Variants in PLEKHM1 observed in about 807,000 individuals in gnomAD.
PLEKHM1 encodes the protein pleckstrin homology and RUN domain containing M1.
A neutral mutation model predicts 94.3 loss-of-function variants in PLEKHM1; 28 were observed. The observed-to-expected ratio is 0.30, with a 90% CI of 0.22 to 0.41. The LOEUF (loss-of-function observed/expected upper bound fraction) is 0.41. Among genes scored for constraint, PLEKHM1 ranks in the 10% least tolerant of loss-of-function variants. PLEKHM1 has a pLI of 1.00. For synonymous variants in PLEKHM1, 424 were observed against 581.2 expected, an observed-to-expected ratio of 0.73 and a Z score of 3.89; for missense variants, 907 against 1,358.6, an observed-to-expected ratio of 0.67 and a Z score of 5.22.
chr17:45,439,072 A>T (rs1325849505), intron 11 of PLEKHM1, among the ~76,000 whole-genome samples: 1 of 152,254 alleles, frequency 6.6e-6, no homozygotes, highest in Non-Finnish European at 1.5e-5. Flanking sequence ...ACACAGTGGC[A>T]GTGGCAGGTA....
chr17:45,471,412 G>C (rs7224890), intron 4 of PLEKHM1, among the ~76,000 whole-genome samples: 69,874 of 145,460 alleles, frequency 0.48, 17,613 homozygotes, highest in South Asian at 0.6. Flanking sequence ...GTTAAACATA[G>C]AGTTACATAT....
In PLEKHM1 at chr17:45,458,451, G is replaced by C; in HGVS notation, c.1309-12C>G. ...CAGCTCTTGTTTTTCTGTTGGGAAA[G>C]AAGACAACAGTTGTTTGTTTTAAAG... On this transcript the variant is annotated splice_polypyrimidine_tract_variant and intron_variant, in intron 5 of 11. Transcript: ENST00000430334. 5 of 1,604,858 alleles carry C rather than the reference G, an allele frequency of 3.1e-6. No homozygotes were observed. Among genetic ancestry groups the C allele is most frequent in the Non-Finnish European group, 4.3e-6 (5 of 1,171,750 alleles).
At position 45,468,490 on chromosome 17, in the gene PLEKHM1, C is replaced by T. The variant is rs1158787262; in HGVS notation, c.1027G>A (p.Gly343Ser). Residue 343 changes from glycine to serine, a missense_variant, in exon 5 of 12, where the codon GGC becomes AGC. Transcript: ENST00000430334. The stretch of plus-strand genomic sequence containing the variant: ...TGCAGGTATGTGCTGGTGTTGAGGC[C>T]ATGGAGGGAGAGCGAGGCCTGTGGT... Reference protein sequence around the residue: ...PTPQASLSLHGLNTSTYLHCE... With the variant: ...PTPQASLSLHSLNTSTYLHCE... 1 of 1,614,188 alleles carries T rather than the reference C, an allele frequency of 6.2e-7. No individual in the cohort carries two copies. The highest frequency in any genetic ancestry group is 1.7e-5 in the Admixed American group (1 of 60,022).
At chr17:45,449,901 C>G (rs1307762269) in intron 8 of PLEKHM1, among the ~76,000 whole-genome samples, 1 of 151,054 alleles carries the variant, frequency 6.6e-6, no homozygotes, top group Non-Finnish European at 1.5e-5. Context: ...CACCTAGCCA[C>G]CTGTTCATCC....
chr17:45,476,421 A>G (rs1271838982), intron 3 of PLEKHM1, among the ~76,000 whole-genome samples: 1 of 151,836 alleles, frequency 6.6e-6, no homozygotes, highest in African/African-American at 2.4e-5. Flanking sequence ...GAAATCAACA[A>G]CCCTGTAAGA....
chr17:45,486,295 G>A (rs1012859656), intron 1 of PLEKHM1, among the ~76,000 whole-genome samples: 22 of 147,836 alleles, frequency 1.5e-4, no homozygotes, highest in Non-Finnish European at 2.7e-4. Flanking sequence ...ATAATAAACT[G>A]AAGCTGGCTG....
At chr17:45,463,156 A>G (rs1425058326) in intron 5 of PLEKHM1, among the ~76,000 whole-genome samples, 3 of 152,042 alleles carry the variant, frequency 2.0e-5, no homozygotes, top group Admixed American at 6.6e-5. Context: ...GAAAAAGACT[A>G]CTAGGAAATG....
At chr17:45,468,616 C>G (rs768377651) in intron 4 of PLEKHM1, 23 bp from the exon 5 acceptor site, 1 of 1,614,002 alleles carries the variant, frequency 6.2e-7, no homozygotes, top group Non-Finnish European at 8.5e-7. Context: ...AACAAAGAAA[C>G]CTGTGTGACA....
Position 45,444,365 on chromosome 17 carries a change from A to G in PLEKHM1, c.2837+1105T>C, listed in dbSNP as rs1038695167. On this transcript the variant is annotated intron_variant, in intron 9 of 11. Coordinates refer to ENST00000430334, the MANE Select transcript of PLEKHM1 (RefSeq NM_014798.3). This position sits in a 1 kb window ranked among gnomAD's most constrained non-coding sequence, Gnocchi z 5.0. ...GCAGCCTGGGCGTGACCTGAGGACT[A>G]GGAAGCGTTTATGACAGGCATGGAG... Among the ~76,000 whole-genome samples the G allele has an allele frequency of 6.6e-6, 1 of 152,194 alleles. No individual in the cohort carries two copies. Among genetic ancestry groups the G allele is most frequent in the African/African-American group, 2.4e-5 (1 of 41,436 alleles).
At chr17:45,465,111 G>A (rs1263800633) in intron 5 of PLEKHM1, among the ~76,000 whole-genome samples, 1 of 151,990 alleles carries the variant, frequency 6.6e-6, no homozygotes, top group East Asian at 1.9e-4. Context: ...GGGAGTTCAA[G>A]AACTATTCAT....
chr17:45,442,426 G>T (rs1240014647), intron 9 of PLEKHM1, among the ~76,000 whole-genome samples: 1 of 152,088 alleles, frequency 6.6e-6, no homozygotes, highest in Non-Finnish European at 1.5e-5. Flanking sequence ...GTGTTTTTGA[G>T]ACAGAGTCTC....
chr17:45,437,435 TACTTTCTGTTGAAATATGAATGGG>T lies in PLEKHM1; in HGVS notation c.*399_*422del. On this transcript the variant is annotated 3_prime_UTR_variant, in exon 12 of 12. Coordinates refer to ENST00000430334, the MANE Select transcript of PLEKHM1 (RefSeq NM_014798.3). The surrounding 1 kb of genome is among the most constrained non-coding windows in gnomAD (Gnocchi z 4.0). ...TCACGTAGGGTCAAGAATAAAAAAA[TACTTTCTGTTGAAATATGAATGGG>T]AAAAACCCACCTTAAAAAACTAGAC... The T allele has an allele frequency of 4.3e-6, 2 of 459,776 alleles. No homozygotes were observed. The highest frequency in any genetic ancestry group is 8.7e-6 in the Non-Finnish European group (2 of 230,720). 28.5% of individuals were successfully genotyped at this position (459,776 alleles called of 1,614,324 possible).
In PLEKHM1 at chr17:45,458,170, C is replaced by T; in HGVS notation, c.1578G>A (p.Met526Ile). The change falls in exon 6 of 12, where the codon ATG becomes ATA. Residue 526 changes from methionine (M) to isoleucine (I), a missense_variant and splice_region_variant. Physicochemically the swap from Met to Ile is conservative, Grantham distance 10 (BLOSUM62 1). This residue lies in a region of PLEKHM1 where 477 missense variants were observed against 601.5 expected (regional missense o/e 0.79). Transcript: ENST00000430334. Reference sequence around the variant, plus strand: ...CCCGGGACCCTCCTGGTAACCTACCCATCTGTCTCCGGTGTACCACCCGGA... The same window carrying T: ...CCCGGGACCCTCCTGGTAACCTACCTATCTGTCTCCGGTGTACCACCCGGA... ...KSFRVVHRRQMGLSNPFRGLM... is the reference protein window; with the variant it reads ...KSFRVVHRRQIGLSNPFRGLM... The T allele has an allele frequency of 6.2e-7, 1 of 1,613,250 alleles. No homozygotes were observed. Among genetic ancestry groups the T allele is most frequent in the Non-Finnish European group, 8.5e-7 (1 of 1,179,606 alleles).
chr17:45,450,042 C>T (rs1467800737), intron 8 of PLEKHM1, among the ~76,000 whole-genome samples: 4 of 151,774 alleles, frequency 2.6e-5, no homozygotes, highest in Non-Finnish European at 5.9e-5. Flanking sequence ...CCTACCCATC[C>T]ACCTAACCAT....
intron 6 of PLEKHM1, chr17:45,454,925 TTG>T (rs1266493022): frequency 1.8e-5 from 3 of 163,346 alleles, no homozygotes; most frequent in Admixed American, 1.1e-4. Flanking sequence ...GGTCAGGAGT[TTG>T]AGACCAGCTT....
rs2145179160 is a variant in PLEKHM1, at chr17:45,444,807, C to T, written c.2837+663G>A. 6.6e-6 allele frequency among the ~76,000 whole-genome samples: 1 copy of T among 152,202 alleles called. No individual in the cohort carries two copies. Among genetic ancestry groups the T allele is most frequent in the East Asian group, 1.9e-4 (1 of 5,182 alleles). On this transcript the variant is annotated intron_variant, in intron 9 of 11. Transcript: ENST00000430334. The surrounding 1 kb of genome is among the most constrained non-coding windows in gnomAD (Gnocchi z 5.0). ...TCCAGGAAGTCCTTCCTGCTTTGTC[C>T]TCCTCTGATCTGGGCTGGATGTCAA...
intron 8 of PLEKHM1, 51 bp downstream of exon 8, chr17:45,450,567 G>A (rs1313120716): frequency 6.2e-7 from 1 of 1,609,036 alleles, no homozygotes; most frequent in African/African-American, 1.3e-5. Flanking sequence ...GCAAAGAGGA[G>A]TGAACACCCC....
Position 45,437,238 on chromosome 17 carries a change from TGCTGAGGGGCGGTTTGGCACTG to T in PLEKHM1, c.*598_*619del, listed in dbSNP as rs1490479457. 1 of 453,812 alleles carries T rather than the reference TGCTGAGGGGCGGTTTGGCACTG, an allele frequency of 2.2e-6. No individual in the cohort carries two copies. Among genetic ancestry groups the T allele is most frequent in the Admixed American group, 2.4e-5 (1 of 42,550 alleles). 28.1% of individuals were successfully genotyped at this position (453,812 alleles called of 1,614,324 possible). A position where few individuals can be genotyped will look rare whatever the true frequency, so the allele number is the denominator to read the frequency against. Reference sequence around the variant, plus strand: ...GGGGTCGCCAGGACTGGCCCTGCCCTGCTGAGGGGCGGTTTGGCACTGGCAGTGAGGGCCAAGGAAAGGCACT... The same window carrying T: ...GGGGTCGCCAGGACTGGCCCTGCCCTGCAGTGAGGGCCAAGGAAAGGCACT... On this transcript the variant is annotated 3_prime_UTR_variant, in exon 12 of 12. Transcript: ENST00000430334. The surrounding 1 kb of genome is among the most constrained non-coding windows in gnomAD (Gnocchi z 4.0).
In PLEKHM1 at chr17:45,453,629, C is replaced by T. The variant is rs2050843543; in HGVS notation, c.2223G>A (p.Gly741=). Residue 741 remains glycine, a synonymous_variant, in exon 7 of 12, where the codon GGG becomes GGA. Transcript: ENST00000430334. This position sits in a 1 kb window ranked among gnomAD's most constrained non-coding sequence, Gnocchi z 4.1. The stretch of plus-strand genomic sequence containing the variant: ...TGATGATTTTGAAGAAGGATGGGCC[C>T]CCAAGGCTGGTGTCTGGCAGGATGT... ...IRDILPDTSL[G]GPSFFKIITA... The T allele has an allele frequency of 1.2e-6, 2 of 1,610,390 alleles. No individual in the cohort carries two copies. Among genetic ancestry groups the T allele is most frequent in the East Asian group, 4.5e-5 (2 of 44,730 alleles).
Sources: gnomAD v4.1 joint callset for allele counts (sites outside exome capture counted in the v4.1 genomes callset) on GRCh38, gnomAD v4.1.1 for gene constraint, gnomAD v4.1.1 regional missense constraint, Gnocchi (gnomAD v3.1) non-coding constraint, MANE v1.5 for transcripts, NCBI Gene and HGNC (gene_info 2026-07-23, HGNC 2026-07-21) for gene names.